The following CNTNAP4 variants were observed in gnomAD, a reference collection of about 807,000 sequenced individuals.
CNTNAP4 encodes contactin-associated protein-like 4.
Under a neutral mutation model 148.4 loss-of-function variants are expected in CNTNAP4, and 98 were observed. The observed-to-expected ratio is 0.66, with a 90% CI of 0.56 to 0.78. The LOEUF is 0.78. CNTNAP4 is among the 30% of genes least tolerant of loss of function. The probability of loss-of-function intolerance (pLI) is 0.00; values close to 1 mark genes in which losing one functional copy is unlikely to be tolerated. For missense variants in CNTNAP4, 1,935 were observed against 1,565.6 expected (o/e 1.24, Z -3.98); for synonymous variants, 730 against 565.1 (o/e 1.29, Z -4.14).
intron 1 of CNTNAP4, among the ~76,000 whole-genome samples, chr16:76,302,391 C>T (rs1443464973): frequency 6.6e-6 from 1 of 152,060 alleles, no homozygotes; most frequent in African/African-American, 2.4e-5. Context: ...TGGAGCTGAA[C>T]CTCCGTTTAT....
At chr16:76,541,180 G>A (rs1489236533) in intron 21 of CNTNAP4, among the ~76,000 whole-genome samples, 7 of 152,192 alleles carry the variant, frequency 4.6e-5, no homozygotes, top group Admixed American at 4.6e-4. Context: ...AAAAATGGAA[G>A]AAGAATGCAA....
rs1022944972 is a variant in CNTNAP4, at chr16:76,475,977, C to T, written c.1694C>T (p.Ser565Phe). ...TATTGTGAACACGGTGGGGAGTGTT[C>T]CCAGTCCTGGAGCACCTTTCATTGT... is the stretch of plus-strand genomic sequence containing the variant. ...PNYCEHGGECSQSWSTFHCNC... is the reference protein window; with the variant it reads ...PNYCEHGGECFQSWSTFHCNC... The change falls in exon 11 of 24, where the codon TCC becomes TTC. Residue 565 changes from serine to phenylalanine, a missense_variant. Physicochemically the swap from Ser to Phe is radical, Grantham distance 155 (BLOSUM62 -2). Transcript: ENST00000611870. 7 of 1,613,854 alleles carry T rather than the reference C, an allele frequency of 4.3e-6. No homozygotes were observed. The highest frequency in any genetic ancestry group is 5.9e-6 in the Non-Finnish European group (7 of 1,179,798).
chr16:76,368,918 A>T (rs996775817), intron 3 of CNTNAP4, among the ~76,000 whole-genome samples: 1 of 152,224 alleles, frequency 6.6e-6, no homozygotes, highest in East Asian at 1.9e-4. Flanking sequence ...ACCAGTGGTT[A>T]CTGGATTAGA....
chr16:76,487,482 G>T (rs1597705909), intron 12 of CNTNAP4, among the ~76,000 whole-genome samples: 1 of 152,340 alleles, frequency 6.6e-6, no homozygotes, highest in Non-Finnish European at 1.5e-5. Flanking sequence ...CTAAATAGGT[G>T]TTTGTAGAAA....
intron 14 of CNTNAP4, among the ~76,000 whole-genome samples, chr16:76,497,944 A>G (rs9937631): frequency 0.22 from 34,017 of 152,212 alleles, 3,936 homozygotes; most frequent in Admixed American, 0.33. Flanking sequence ...TGCAGTATCA[A>G]TCATTACACT....
chr16:76,466,567 A>G (rs2081182561), intron 9 of CNTNAP4, among the ~76,000 whole-genome samples: 1 of 152,154 alleles, frequency 6.6e-6, no homozygotes, highest in Admixed American at 6.5e-5. Flanking sequence ...AAAATGTAAT[A>G]TATGTATTCA....
intron 3 of CNTNAP4, among the ~76,000 whole-genome samples, chr16:76,377,465 A>T (rs1218654034): frequency 6.6e-6 from 1 of 152,170 alleles, no homozygotes. Context: ...AGAATAGAAT[A>T]TACACGTTTA....
chr16:76,521,989 A>C, intron 16 of CNTNAP4, 50 bp from the exon 17 acceptor site: 2 of 1,539,002 alleles, frequency 1.3e-6, no homozygotes, highest in Non-Finnish European at 9.0e-7. Flanking sequence ...GAGACTCGGC[A>C]CTTCGCCATA....
intron 3 of CNTNAP4, among the ~76,000 whole-genome samples, chr16:76,379,471 G>T (rs938788547): frequency 1.3e-5 from 2 of 152,042 alleles, no homozygotes; most frequent in African/African-American, 4.8e-5. Context: ...TTAGTTTTAT[G>T]TTCTTTTTCC....
At chr16:76,357,842 G>C (rs1056742469) in intron 3 of CNTNAP4, among the ~76,000 whole-genome samples, 1 of 151,922 alleles carries the variant, frequency 6.6e-6, no homozygotes, top group African/African-American at 2.4e-5. Context: ...TTTCCCTATA[G>C]ATATTGAACT....
At position 76,495,150 on chromosome 16, in the gene CNTNAP4, C is replaced by G; in HGVS notation, c.2237+84C>G. ...CAAAGTATGTATAGCTAGCCAGATA[C>G]TGAACAAGTTAGTGCAATGAAGTAA... is the stretch of plus-strand genomic sequence containing the variant. On this transcript the variant is annotated intron_variant, in intron 14 of 23. Transcript: ENST00000611870. 6.3e-6 allele frequency: 9 copies of G among 1,424,156 alleles called. No homozygotes were observed. In the South Asian group the frequency reaches 1.1e-4, roughly 17 times the overall value. 88.2% of individuals were successfully genotyped at this position (1,424,156 alleles called of 1,614,324 possible).
At chr16:76,346,554 A>C (rs945534500) in intron 2 of CNTNAP4, among the ~76,000 whole-genome samples, 2 of 152,294 alleles carry the variant, frequency 1.3e-5, no homozygotes, top group South Asian at 4.1e-4. Context: ...CCTTCCTGTA[A>C]AAGATCTAAA....
At chr16:76,430,264 C>G (rs1390109640) in intron 4 of CNTNAP4, among the ~76,000 whole-genome samples, 2 of 152,076 alleles carry the variant, frequency 1.3e-5, no homozygotes, top group South Asian at 4.1e-4. Context: ...GGGAAGCAGG[C>G]ACATGAATAT....
chr16:76,401,358 G>T (rs903241316), intron 3 of CNTNAP4, among the ~76,000 whole-genome samples: 1 of 152,088 alleles, frequency 6.6e-6, no homozygotes, highest in African/African-American at 2.4e-5. Context: ...GCTGTTATTG[G>T]TGTATAGGAA....
chr16:76,542,413 G>A (rs527711086), intron 21 of CNTNAP4, among the ~76,000 whole-genome samples: 1 of 152,242 alleles, frequency 6.6e-6, no homozygotes, highest in African/African-American at 2.4e-5. Context: ...GCATAGCGTA[G>A]GAAGCCAAAG....
intron 3 of CNTNAP4, among the ~76,000 whole-genome samples, chr16:76,384,732 T>C (rs1057128526): frequency 2.6e-5 from 4 of 152,212 alleles, no homozygotes; most frequent in South Asian, 4.1e-4. Context: ...AGTTGTCATA[T>C]AGCCAGGCTT....
chr16:76,513,221 T>A (rs535670350), intron 15 of CNTNAP4, among the ~76,000 whole-genome samples: 2 of 152,180 alleles, frequency 1.3e-5, no homozygotes, highest in East Asian at 3.9e-4. Context: ...ACAGGTGTGG[T>A]GGTGGGTGCT....
intron 12 of CNTNAP4, among the ~76,000 whole-genome samples, chr16:76,480,153 A>C (rs1306978257): frequency 6.6e-6 from 1 of 152,174 alleles, no homozygotes; most frequent in South Asian, 2.1e-4. Flanking sequence ...GAAATGAAAA[A>C]TATAAATATT....
chr16:76,521,160 T>C lies in CNTNAP4; in HGVS notation c.2386T>C (p.Ser796Pro). The C allele has an allele frequency of 1.3e-6, 2 of 1,594,180 alleles. No individual in the cohort carries two copies. Among genetic ancestry groups the C allele is most frequent in the Non-Finnish European group, 1.7e-6 (2 of 1,174,850 alleles). ...QGDRSFWNSASFDTEASYLHF... is the reference protein window; with the variant it reads ...QGDRSFWNSAPFDTEASYLHF... ...AACAGGATCATTTTGGAATTCAGCT[T>C]CCTTTGATACCGAGGCTTCATATCT... The change falls in exon 16 of 24, where the codon TCC becomes CCC. Residue 796 changes from serine (S) to proline (P), a missense_variant. Transcript: ENST00000611870.
Sources: gnomAD v4.1 joint callset for allele counts (sites outside exome capture counted in the v4.1 genomes callset) on GRCh38, gnomAD v4.1.1 for gene constraint, MANE v1.5 for transcripts, NCBI Gene and HGNC (gene_info 2026-07-23, HGNC 2026-07-21) for gene names.